Variants in LAMA2 observed in about 807,000 individuals in gnomAD.
LAMA2 encodes laminin subunit alpha-2.
Under a neutral mutation model 364.8 loss-of-function variants are expected in LAMA2, and 269 were observed. The observed-to-expected ratio is 0.74, with a 90% CI of 0.67 to 0.82. The LOEUF (loss-of-function observed/expected upper bound fraction) is 0.82, where lower values mean the gene tolerates loss of function less well. Among genes scored for constraint, LAMA2 ranks in the 40% least tolerant of loss-of-function variants. LAMA2 has a pLI of 0.00. For missense variants in LAMA2, 3,807 were observed against 3,873.2 expected, an observed-to-expected ratio of 0.98 and a Z score of 0.45; for synonymous variants, 1,379 against 1,370.6, an observed-to-expected ratio of 1.01 and a Z score of -0.14.
At chr6:129,475,345 A>G (rs777238472) in intron 52 of LAMA2, 45 bp from the exon 53 acceptor site, 1 of 1,121,064 alleles carries the variant, frequency 8.9e-7, no homozygotes. Context: ...TTATAAGTAA[A>G]TTGTTTTTAT....
At chr6:129,282,551 G>A (rs1228661702) in intron 18 of LAMA2, among the ~76,000 whole-genome samples, 1 of 152,098 alleles carries the variant, frequency 6.6e-6, no homozygotes, top group African/African-American at 2.4e-5. Flanking sequence ...AGGGTATAAT[G>A]TCTGTGTGTA....
intron 18 of LAMA2, among the ~76,000 whole-genome samples, chr6:129,285,022 G>A (rs1789003908): frequency 1.3e-5 from 2 of 152,108 alleles, no homozygotes; most frequent in Admixed American, 1.3e-4. Flanking sequence ...ATGAAAATGA[G>A]AGGGCTTGAC....
chr6:129,147,442 A>G (rs977943515), intron 6 of LAMA2, among the ~76,000 whole-genome samples: 1 of 151,728 alleles, frequency 6.6e-6, no homozygotes, highest in Non-Finnish European at 1.5e-5. Flanking sequence ...TGTGCAGGGA[A>G]GTAAATATAT....
rs1460951867 is a variant in LAMA2 at position 129,401,256 on chromosome 6, A to G, written c.5478A>G (p.Arg1826=). The G allele has an allele frequency of 1.2e-6, 2 of 1,612,206 alleles. No homozygotes were observed. The highest frequency in any genetic ancestry group is 2.2e-5 in the South Asian group (2 of 91,018). Reference sequence around the variant, plus strand: ...AGGAGGCTGTTGAAAGCGGCAAACGACAAATTGAGAACACTTTAAAAGAGG... The same window carrying G: ...AGGAGGCTGTTGAAAGCGGCAAACGGCAAATTGAGAACACTTTAAAAGAGG... ...KKKEAVESGK[R]QIENTLKEGN... The change falls in exon 38 of 65, where the codon CGA becomes CGG. Residue 1826 remains arginine (R), a synonymous_variant. Coordinates refer to ENST00000421865, the MANE Select transcript of LAMA2 (RefSeq NM_000426.4).
intron 12 of LAMA2, among the ~76,000 whole-genome samples, chr6:129,218,281 C>A (rs561044450): frequency 6.6e-6 from 1 of 152,022 alleles, no homozygotes; most frequent in Non-Finnish European, 1.5e-5. Flanking sequence ...AAGGAAGGAA[C>A]GCATTTTACT....
chr6:129,339,612 G>A (rs930026321), intron 29 of LAMA2, among the ~76,000 whole-genome samples: 1 of 152,116 alleles, frequency 6.6e-6, no homozygotes, highest in African/African-American at 2.4e-5. Flanking sequence ...TTAGAATTAA[G>A]GGCGTCAATT....
At chr6:129,036,616 T>C (rs1786655677) in intron 1 of LAMA2, among the ~76,000 whole-genome samples, 1 of 151,602 alleles carries the variant, frequency 6.6e-6, no homozygotes, top group South Asian at 2.1e-4. Context: ...GAGAAACATG[T>C]ACTACTTTTT....
At chr6:129,506,278 G>A (rs1002285013) in intron 61 of LAMA2, among the ~76,000 whole-genome samples, 3 of 152,030 alleles carry the variant, frequency 2.0e-5, no homozygotes, top group South Asian at 2.1e-4. Context: ...ACTTGAACCC[G>A]AGGGTCAGAG....
chr6:129,264,947 A>G (rs1787402886), intron 15 of LAMA2, among the ~76,000 whole-genome samples: 1 of 152,172 alleles, frequency 6.6e-6, no homozygotes, highest in Non-Finnish European at 1.5e-5. Flanking sequence ...AAAGAAAAAC[A>G]TAGATGACTA....
rs140511423 is a variant in LAMA2, at chr6:129,398,815, C to G, written c.5446-2409C>G. Among the ~76,000 whole-genome samples, 333 of 152,238 alleles carry G rather than the reference C, an allele frequency of 2.2e-3. 8 individuals are homozygous for G. Among genetic ancestry groups the G allele is most frequent in the Admixed American group, 0.02 (301 of 15,294 alleles). On this transcript the variant is annotated intron_variant, in intron 37 of 64. Transcript: ENST00000421865. ...TTAAAAAATATTTATTGAGGAAACTCATCTACATACTAGAGATAGTGATAT... is the reference window on the plus strand; with the variant it reads ...TTAAAAAATATTTATTGAGGAAACTGATCTACATACTAGAGATAGTGATAT...
chr6:128,915,790 T>A (rs2114471283), intron 1 of LAMA2, among the ~76,000 whole-genome samples: 1 of 152,290 alleles, frequency 6.6e-6, no homozygotes, highest in Non-Finnish European at 1.5e-5. Context: ...AAAATGAACC[T>A]GTAAGGCTAC....
chr6:128,981,988 G>C (rs1028541055), intron 1 of LAMA2, among the ~76,000 whole-genome samples: 1 of 152,102 alleles, frequency 6.6e-6, no homozygotes, highest in African/African-American at 2.4e-5. Flanking sequence ...CTCTAACATA[G>C]CATGAGTCAC....
intron 1 of LAMA2, among the ~76,000 whole-genome samples, chr6:129,043,624 G>A (rs185834939): frequency 7.2e-5 from 11 of 152,142 alleles, no homozygotes; most frequent in Admixed American, 3.3e-4. Flanking sequence ...TACAATCTCC[G>A]TTGATTGCTT....
intron 1 of LAMA2, among the ~76,000 whole-genome samples, chr6:128,911,547 TAGTG>T: frequency 6.6e-6 from 1 of 152,238 alleles, no homozygotes; most frequent in Middle Eastern, 3.4e-3. Flanking sequence ...TGGCATTCCT[TAGTG>T]AGATGAACCC....
intron 34 of LAMA2, among the ~76,000 whole-genome samples, chr6:129,376,446 C>T (rs1157396090): frequency 2.6e-5 from 4 of 152,210 alleles, no homozygotes; most frequent in Admixed American, 6.5e-5. Context: ...TTCTCCGTAA[C>T]GTAGCCAGAA....
At chr6:129,463,101 T>C (rs1466413544) in intron 49 of LAMA2, among the ~76,000 whole-genome samples, 1 of 152,014 alleles carries the variant, frequency 6.6e-6, no homozygotes, top group Non-Finnish European at 1.5e-5. Flanking sequence ...TAGCTGAGCA[T>C]TGAAATGGTG....
intron 35 of LAMA2, among the ~76,000 whole-genome samples, chr6:129,389,443 T>C (rs1779198916): frequency 1.3e-5 from 2 of 152,176 alleles, no homozygotes; most frequent in Admixed American, 1.3e-4. Flanking sequence ...CTCCTTGTTA[T>C]AGTTTCATGT....
chr6:129,040,224 G>A lies in LAMA2; in HGVS notation c.113-9694G>A, dbSNP rs115081229. Among the ~76,000 whole-genome samples the A allele has an allele frequency of 5.7e-3, 872 of 152,242 alleles. 8 individuals are homozygous for A. The highest frequency in any genetic ancestry group is 0.02 in the African/African-American group (832 of 41,524). On this transcript the variant is annotated intron_variant, in intron 1 of 64. Transcript: ENST00000421865. ...AATGACAGAAATTTCAGGAACAAAG[G>A]TGACTATGAATTAGGTACCAATATT...
chr6:128,961,699 C>G (rs1320981904), intron 1 of LAMA2, among the ~76,000 whole-genome samples: 2 of 151,770 alleles, frequency 1.3e-5, no homozygotes, highest in Admixed American at 1.3e-4. Context: ...CTTTCCCAGC[C>G]CACTGACTCA....
Sources: allele counts gnomAD v4.1 joint callset (sites outside exome capture counted in the v4.1 genomes callset), GRCh38; gene constraint gnomAD v4.1.1; transcripts MANE v1.5; gene names NCBI Gene and HGNC (gene_info 2026-07-23, HGNC 2026-07-21).